The following AFF2 variants were observed in gnomAD, a reference collection of about 807,000 sequenced individuals.
AFF2 encodes the protein AF4/FMR2 family member 2.
AFF2 carries 14 observed loss-of-function variants against 76.9 expected under a neutral mutation model. The ratio of observed to expected loss-of-function variants is 0.18; its 90% CI spans 0.12 to 0.28. AFF2 has a LOEUF of 0.28. Ranked by LOEUF, AFF2 falls within the 10% of genes least tolerant of loss-of-function variation. AFF2 has a pLI of 1.00. For synonymous variants in AFF2, 398 were observed against 366.7 expected (o/e 1.09, Z -0.98); for missense variants, 868 against 1,001.1 (o/e 0.87, Z 1.79).
intron 3 of AFF2, among the ~76,000 whole-genome samples, chrX:148,730,688 A>G (rs1388994445): frequency 8.9e-6 from 1 of 112,776 alleles, no homozygotes. Context: ...CCATACTTAC[A>G]AAACAAAACA....
intron 4 of AFF2, among the ~76,000 whole-genome samples, chrX:148,824,276 C>T (rs1427098161): frequency 4.5e-5 from 5 of 111,468 alleles, no homozygotes; most frequent in South Asian, 3.7e-4. Flanking sequence ...GGATTATTAA[C>T]GTTAAAATGG....
At chrX:148,831,827 C>T (rs2070457741) in intron 4 of AFF2, among the ~76,000 whole-genome samples, 1 of 112,121 alleles carries the variant, frequency 8.9e-6, no homozygotes, top group Non-Finnish European at 1.9e-5. Flanking sequence ...ACAGAACTGT[C>T]AGGAACCATG....
At chrX:148,791,161 A>T (rs1312892261) in intron 3 of AFF2, among the ~76,000 whole-genome samples, 1 of 112,434 alleles carries the variant, frequency 8.9e-6, no homozygotes, top group Non-Finnish European at 1.9e-5. Context: ...AAGTTGCTAT[A>T]TTAGTCTGTT....
chrX:148,542,693 G>A (rs988807146), intron 1 of AFF2, among the ~76,000 whole-genome samples: 1 of 111,774 alleles, frequency 8.9e-6, no homozygotes, highest in Non-Finnish European at 1.9e-5. Context: ...TCACAGCAAG[G>A]AAGGAAGTGG....
At chrX:148,905,439 T>C (rs1223323398) in intron 9 of AFF2, among the ~76,000 whole-genome samples, 2 of 112,333 alleles carry the variant, frequency 1.8e-5, no homozygotes, top group African/African-American at 6.5e-5. Context: ...TGCAGCCTGA[T>C]TTCTTTTCCG....
At chrX:148,760,582 G>A (rs1331758169) in intron 3 of AFF2, among the ~76,000 whole-genome samples, 11 of 111,661 alleles carry the variant, frequency 9.9e-5, no homozygotes, top group African/African-American at 3.3e-4. Context: ...GCTCACAGCT[G>A]GACTGACTCA....
At chrX:148,958,002 A>C (rs1342776821) in intron 11 of AFF2, among the ~76,000 whole-genome samples, 2 of 112,299 alleles carry the variant, frequency 1.8e-5, no homozygotes, top group African/African-American at 6.5e-5. Context: ...TAAACTACTC[A>C]TTTGTGGGGG....
chrX:148,892,318 C>T (rs1339389644), intron 8 of AFF2, among the ~76,000 whole-genome samples: 1 of 111,375 alleles, frequency 9.0e-6, no homozygotes, highest in South Asian at 3.8e-4. Flanking sequence ...TCTTCCCCTC[C>T]ACTTCATAGT....
chrX:148,938,076 G>C (rs782583330), intron 9 of AFF2, among the ~76,000 whole-genome samples: 25 of 112,119 alleles, frequency 2.2e-4, no homozygotes, highest in Middle Eastern at 4.6e-3. Context: ...TAGTACAATA[G>C]TGTTTCAGTA....
At chrX:148,980,858 T>C (rs1313939911) in intron 19 of AFF2, 68 bp downstream of exon 19, 3 of 858,869 alleles carry the variant, frequency 3.5e-6, no homozygotes, top group African/African-American at 4.0e-5. Flanking sequence ...ATATTTTGCA[T>C]TGACAAGTCA....
intron 3 of AFF2, among the ~76,000 whole-genome samples, chrX:148,747,324 C>G (rs977636867): frequency 9.0e-6 from 1 of 111,142 alleles, no homozygotes; most frequent in Admixed American, 9.6e-5. Context: ...GTGCCTGGCC[C>G]CTAGAAGGAG....
intron 3 of AFF2, among the ~76,000 whole-genome samples, chrX:148,799,751 G>T (rs1557270784): frequency 1.8e-5 from 2 of 112,056 alleles, no homozygotes; most frequent in Non-Finnish European, 1.9e-5. Context: ...GTTTTAATGT[G>T]TTTAAAATCC....
intron 1 of AFF2, among the ~76,000 whole-genome samples, chrX:148,583,958 G>A (rs1479948141): frequency 8.9e-6 from 1 of 112,231 alleles, no homozygotes; most frequent in Non-Finnish European, 1.9e-5. Flanking sequence ...TGAAGATTGT[G>A]TGCAAAAATC....
chrX:148,955,530 C>T, intron 10 of AFF2, 73 bp from the exon 11 acceptor site: 1 of 1,081,325 alleles, frequency 9.2e-7, no homozygotes, highest in Non-Finnish European at 1.2e-6. Flanking sequence ...TAGTAGTAGT[C>T]TCTGTACTCA....
intron 9 of AFF2, among the ~76,000 whole-genome samples, chrX:148,933,685 C>T (rs2071740291): frequency 8.9e-6 from 1 of 111,778 alleles, no homozygotes; most frequent in Non-Finnish European, 1.9e-5. Context: ...GAGTTTCAGC[C>T]TGAGCACTTG....
intron 1 of AFF2, among the ~76,000 whole-genome samples, chrX:148,545,754 A>T (rs1300602182): frequency 9.0e-6 from 1 of 110,628 alleles, no homozygotes; most frequent in Non-Finnish European, 1.9e-5. Context: ...ATTAAAAAAA[A>T]AAGAGTCACC....
Position 148,860,980 on chromosome X carries a change from C to G in AFF2, c.1262+17547C>G, listed in dbSNP as rs782417970. Among the ~76,000 whole-genome samples, 17 of 111,401 alleles carry G rather than the reference C, an allele frequency of 1.5e-4. No individual in the cohort carries two copies. In the South Asian group the frequency reaches 5.6e-3, roughly 37 times the overall value. ...TTATTTATAAAGCATTAATTTCAGA[C>G]TTTTTAAAAAATGTAATTTTCTCAG... is the stretch of plus-strand genomic sequence containing the variant. On this transcript the variant is annotated intron_variant, in intron 7 of 20. Transcript: ENST00000370460.
chrX:148,733,044 A>G (rs1185686499), intron 3 of AFF2, among the ~76,000 whole-genome samples: 7 of 111,590 alleles, frequency 6.3e-5, no homozygotes, highest in Non-Finnish European at 1.1e-4. Context: ...TTAACTTCCC[A>G]TCAATAACTG....
At chrX:148,605,378 C>G (rs909122413) in intron 1 of AFF2, among the ~76,000 whole-genome samples, 16 of 111,775 alleles carry the variant, frequency 1.4e-4, no homozygotes, top group Non-Finnish European at 1.7e-4. Context: ...TTGGAGGTAT[C>G]AGTATGAACT....
Sources: gnomAD v4.1 joint callset for allele counts (sites outside exome capture counted in the v4.1 genomes callset) on GRCh38, gnomAD v4.1.1 for gene constraint, MANE v1.5 for transcripts, NCBI Gene and HGNC (gene_info 2026-07-23, HGNC 2026-07-21) for gene names.